Variants in USO1 observed in about 807,000 individuals in gnomAD.
USO1 encodes the protein USO1 vesicle transport factor.
USO1 carries 57 observed loss-of-function variants against 124.5 expected under a neutral mutation model. The observed-to-expected ratio is 0.46, with a 90% confidence interval of 0.37 to 0.57. The LOEUF is 0.57. Ranked by LOEUF, USO1 falls within the 20% of genes least tolerant of loss-of-function variation. The pLI is 0.00. For missense variants in USO1, 900 were observed against 1,040.6 expected (o/e 0.86, Z 1.86); for synonymous variants, 369 against 362.8 (o/e 1.02, Z -0.19).
chr4:75,749,874 C>T (rs2149152329), intron 1 of USO1, among the ~76,000 whole-genome samples: 1 of 151,802 alleles, frequency 6.6e-6, no homozygotes, highest in South Asian at 2.1e-4. Flanking sequence ...GCCTCAGCCT[C>T]CTGAGTAGCT....
chr4:75,794,380 C>T (rs1722621460), intron 13 of USO1, among the ~76,000 whole-genome samples: 1 of 152,102 alleles, frequency 6.6e-6, no homozygotes, highest in Admixed American at 6.5e-5. Flanking sequence ...TTCTTCAATC[C>T]TTAAGTCCCC....
intron 1 of USO1, among the ~76,000 whole-genome samples, chr4:75,743,077 C>T (rs892160473): frequency 7.2e-5 from 11 of 151,860 alleles, no homozygotes; most frequent in African/African-American, 2.4e-4. Context: ...CTCCACCTCC[C>T]GGGTTCAAGC....
At chr4:75,729,435 G>T (rs1219653607) in intron 1 of USO1, among the ~76,000 whole-genome samples, 1 of 152,070 alleles carries the variant, frequency 6.6e-6, no homozygotes, top group Non-Finnish European at 1.5e-5. Flanking sequence ...CGCCTCCTGG[G>T]TTCAAGCAGT....
chr4:75,757,394 C>T, intron 3 of USO1, 103 bp from the exon 4 acceptor site: 2 of 1,110,876 alleles, frequency 1.8e-6, no homozygotes, highest in East Asian at 3.7e-5. Flanking sequence ...TAGAGTATGC[C>T]TTTAGAAATG....
rs1313562228 is a variant in USO1 at position 75,724,874 on chromosome 4, G to A, written c.55G>A (p.Glu19Lys). ...GGQSAGPQHT[E>K]AETIQKLCDR... is the part of the protein sequence containing the mutation. Reference sequence around the variant, plus strand: ...TCAGAGTGCCGGACCCCAGCACACAGAAGCCGAGACGGTGAGAGGAGCAGC... The same window carrying A: ...TCAGAGTGCCGGACCCCAGCACACAAAAGCCGAGACGGTGAGAGGAGCAGC... The change falls in exon 1 of 24, where the codon GAA becomes AAA. Residue 19 changes from glutamate (E) to lysine (K), a missense_variant. Glu to Lys is a moderately conservative substitution (Grantham distance 56, BLOSUM62 1). Around this residue, in one of 2 missense-constraint regions of USO1, gnomAD observed 538 missense variants for 681.6 expected, o/e 0.79. Transcript: ENST00000514213. 1 of 1,613,564 alleles carries A rather than the reference G, an allele frequency of 6.2e-7. No individual in the cohort carries two copies. The highest frequency in any genetic ancestry group is 1.1e-5 in the South Asian group (1 of 91,084).
intron 4 of USO1, among the ~76,000 whole-genome samples, chr4:75,766,475 AAG>A (rs1209145861): frequency 2.6e-5 from 4 of 152,200 alleles, no homozygotes; most frequent in African/African-American, 9.7e-5. Context: ...AAGAGGAAGT[AAG>A]AGAGTGCTAC....
rs1723074028 is a variant in USO1, at chr4:75,809,107, T to C, written c.2475+56T>C. On this transcript the variant is annotated intron_variant, in intron 21 of 23. Transcript: ENST00000514213. ...TAATAAAGACAAGGTTGATGTATTATTTCTTAGCCACAATTAAAAAGAAAC... is the reference window on the plus strand; with the variant it reads ...TAATAAAGACAAGGTTGATGTATTACTTCTTAGCCACAATTAAAAAGAAAC... The C allele has an allele frequency of 5.8e-5, 87 of 1,504,322 alleles. 1 individual carries two copies. The South Asian group carries it at 1.1e-3, about 19-fold the overall frequency. The allele number at this position is 1,504,322 out of a possible 1,614,324, so 93.2% of individuals were successfully genotyped here. A position where few individuals can be genotyped will look rare whatever the true frequency, so the allele number is the denominator to read the frequency against.
At chr4:75,724,929 A>C (rs1343666649) in intron 1 of USO1, 44 bp downstream of exon 1, 2 of 1,608,054 alleles carry the variant, frequency 1.2e-6, no homozygotes, top group Non-Finnish European at 1.7e-6. Flanking sequence ...GGGTCCGGGC[A>C]GGGACGGGGA....
intron 4 of USO1, among the ~76,000 whole-genome samples, chr4:75,767,313 A>G (rs540098989): frequency 3.9e-4 from 59 of 152,364 alleles, no homozygotes; most frequent in African/African-American, 1.1e-3. Flanking sequence ...ATATTCACTC[A>G]ATATCTTTAC....
chr4:75,757,855 A>G (rs1721491640), intron 4 of USO1, among the ~76,000 whole-genome samples: 1 of 152,116 alleles, frequency 6.6e-6, no homozygotes, highest in Non-Finnish European at 1.5e-5. Context: ...CAGTATGCAT[A>G]TTAGCCAGTT....
At chr4:75,771,625 G>A (rs545781782) in intron 7 of USO1, among the ~76,000 whole-genome samples, 27 of 152,278 alleles carry the variant, frequency 1.8e-4, no homozygotes, top group African/African-American at 6.5e-4. Flanking sequence ...ACATTGAACT[G>A]TGTAAACCCA....
At chr4:75,748,694 G>A (rs1721206345) in intron 1 of USO1, among the ~76,000 whole-genome samples, 1 of 152,048 alleles carries the variant, frequency 6.6e-6, no homozygotes. Flanking sequence ...AGGTAGATAA[G>A]AATCCCAGAT....
At chr4:75,747,530 A>T (rs1287318465) in intron 1 of USO1, among the ~76,000 whole-genome samples, 1 of 151,444 alleles carries the variant, frequency 6.6e-6, no homozygotes, top group African/African-American at 2.4e-5. Context: ...CCACTTCAGT[A>T]TCCCAAAGTG....
intron 1 of USO1, among the ~76,000 whole-genome samples, chr4:75,727,057 A>G (rs933898207): frequency 6.6e-6 from 1 of 152,234 alleles, no homozygotes; most frequent in Non-Finnish European, 1.5e-5. Context: ...AATTTTTACT[A>G]TGTGTGGGTT....
At chr4:75,725,529 A>C (rs558414050) in intron 1 of USO1, among the ~76,000 whole-genome samples, 4 of 151,974 alleles carry the variant, frequency 2.6e-5, no homozygotes, top group African/African-American at 2.4e-5. Context: ...CCTTGAACGT[A>C]GTAGGGATCT....
At chr4:75,766,004 C>A (rs1050588444) in intron 4 of USO1, among the ~76,000 whole-genome samples, 2 of 152,118 alleles carry the variant, frequency 1.3e-5, no homozygotes, top group Non-Finnish European at 2.9e-5. Flanking sequence ...TCTCCTCTAC[C>A]TGTTTTCCTG....
At chr4:75,805,364 T>A in intron 19 of USO1, 61 bp downstream of exon 19, 1 of 750,438 alleles carries the variant, frequency 1.3e-6, no homozygotes, top group Non-Finnish European at 1.8e-6. Context: ...TTATCCTGCC[T>A]TTTTTTTTTT....
chr4:75,808,482 A>G (rs1046906374), intron 20 of USO1, among the ~76,000 whole-genome samples: 3 of 151,980 alleles, frequency 2.0e-5, no homozygotes, highest in Non-Finnish European at 4.4e-5. Flanking sequence ...GTGGTATCTA[A>G]TGATACCAGT....
chr4:75,742,346 T>C (rs1720988015), intron 1 of USO1, among the ~76,000 whole-genome samples: 1 of 152,146 alleles, frequency 6.6e-6, no homozygotes, highest in Non-Finnish European at 1.5e-5. Flanking sequence ...GTGATAGGAA[T>C]TTTGCATTTC....
Sources: gnomAD v4.1 joint callset for allele counts (sites outside exome capture counted in the v4.1 genomes callset) on GRCh38, gnomAD v4.1.1 for gene constraint, gnomAD v4.1.1 regional missense constraint, MANE v1.5 for transcripts, NCBI Gene and HGNC (gene_info 2026-07-23, HGNC 2026-07-21) for gene names.